Variants in AIG1 observed in about 807,000 individuals in gnomAD.
The protein encoded by AIG1 is androgen-induced gene 1 protein.
AIG1 carries 23 observed loss-of-function variants against 31.4 expected under a neutral mutation model. That is an observed-to-expected ratio of 0.73 (90% CI 0.53 to 1.04). The LOEUF (loss-of-function observed/expected upper bound fraction) is 1.04, where lower values mean the gene tolerates loss of function less well. AIG1 is among the 50% of genes least tolerant of loss of function. The pLI, the probability that AIG1 is intolerant of heterozygous loss-of-function variation, is 0.00. For synonymous variants in AIG1, 100 were observed against 110.5 expected, an observed-to-expected ratio of 0.90 and a Z score of 0.60; for missense variants, 274 against 295.0, an observed-to-expected ratio of 0.93 and a Z score of 0.52.
intron 3 of AIG1, among the ~76,000 whole-genome samples, chr6:143,170,244 A>G (rs912379140): frequency 6.6e-6 from 1 of 151,988 alleles, no homozygotes; most frequent in Non-Finnish European, 1.5e-5. Flanking sequence ...GATACTTTTT[A>G]TTACTTATTC....
intron 3 of AIG1, among the ~76,000 whole-genome samples, chr6:143,183,879 C>T (rs999738844): frequency 6.6e-6 from 1 of 152,236 alleles, no homozygotes; most frequent in Admixed American, 6.5e-5. Flanking sequence ...TCCTTCTTCA[C>T]TGCCACAGAC....
intron 1 of AIG1, among the ~76,000 whole-genome samples, chr6:143,067,729 C>G (rs1422863131): frequency 2.0e-5 from 3 of 152,050 alleles, no homozygotes; most frequent in African/African-American, 7.2e-5. Context: ...CTTAGTTTTG[C>G]CAGTCAAAAC....
At chr6:143,317,164 C>T (rs1349033324) in intron 4 of AIG1, among the ~76,000 whole-genome samples, 3 of 152,008 alleles carry the variant, frequency 2.0e-5, no homozygotes, top group Non-Finnish European at 4.4e-5. Flanking sequence ...TTCTATGAAG[C>T]CAGTATCACC....
At chr6:143,087,723 C>G (rs1778934373) in intron 1 of AIG1, among the ~76,000 whole-genome samples, 2 of 152,288 alleles carry the variant, frequency 1.3e-5, no homozygotes, top group South Asian at 4.1e-4. Context: ...AGGATAAATT[C>G]TTAAAGGCAG....
intron 2 of AIG1, among the ~76,000 whole-genome samples, chr6:143,154,994 T>C (rs1341418605): frequency 6.6e-6 from 1 of 151,256 alleles, no homozygotes; most frequent in Non-Finnish European, 1.5e-5. Context: ...ATTTCAGACA[T>C]ACACCACCAC....
chr6:143,309,648 A>G (rs964028400), intron 4 of AIG1, among the ~76,000 whole-genome samples: 1 of 152,036 alleles, frequency 6.6e-6, no homozygotes, highest in Non-Finnish European at 1.5e-5. Context: ...ATCCAGCTAT[A>G]TCAATAATCA....
At chr6:143,309,341 A>G (rs1398513428) in intron 4 of AIG1, among the ~76,000 whole-genome samples, 1 of 152,144 alleles carries the variant, frequency 6.6e-6, no homozygotes, top group African/African-American at 2.4e-5. Flanking sequence ...CACTAAAAGA[A>G]GAGCATAGAA....
intron 3 of AIG1, among the ~76,000 whole-genome samples, chr6:143,277,273 G>A (rs1238109255): frequency 6.6e-6 from 1 of 152,128 alleles, no homozygotes; most frequent in Non-Finnish European, 1.5e-5. Context: ...TTACAATCTA[G>A]AGTGCACAAT....
Position 143,099,101 on chromosome 6 carries a change from AC to A in AIG1, c.142-37732del, listed in dbSNP as rs1244343157. Among the ~76,000 whole-genome samples, 3 of 152,242 alleles carry A rather than the reference AC, an allele frequency of 2.0e-5. No homozygotes were observed. In the East Asian group the frequency reaches 5.8e-4, roughly 29 times the overall value. ...AGTGAAGAGTTTTTGATTTAAAAAG[AC>A]CATCAGTTTTCACTTACCATTTAGG... is the stretch of plus-strand genomic sequence containing the variant. On this transcript the variant is annotated intron_variant, in intron 1 of 5. Coordinates refer to ENST00000357847, the MANE Select transcript of AIG1 (RefSeq NM_016108.4).
chr6:143,342,808 C>A, downstream of AIG1: 1 of 798,174 alleles, frequency 1.3e-6, no homozygotes, highest in Non-Finnish European at 2.3e-6. Flanking sequence ...ACCTTCTCTG[C>A]AGTGGACAGT....
Position 143,292,987 on chromosome 6 carries a change from G to A in AIG1, c.515+8762G>A, listed in dbSNP as rs150173488. 2.4e-4 allele frequency among the ~76,000 whole-genome samples: 37 copies of A among 152,264 alleles called. No homozygotes were observed. Among genetic ancestry groups the A allele is most frequent in the African/African-American group, 7.5e-4 (31 of 41,548 alleles). ...GTTAGATGCTCCTTGTTTAGTTCCC[G>A]TCTTCCTCGGGTCTTTGAGCAAATT... On this transcript the variant is annotated intron_variant, in intron 4 of 5. Coordinates refer to ENST00000357847, the MANE Select transcript of AIG1 (RefSeq NM_016108.4). The surrounding 1 kb of genome is among the most constrained non-coding windows in gnomAD (Gnocchi z 4.9).
rs780570206 is a variant in AIG1, at chr6:143,333,310, ATGTGGG to A, written c.548_553del (p.Trp183_Val184del). The A allele has an allele frequency of 2.5e-6, 4 of 1,613,184 alleles. No homozygotes were observed. The highest frequency in any genetic ancestry group is 3.4e-6 in the Non-Finnish European group (4 of 1,179,612). On this transcript the variant is annotated inframe_deletion, in exon 5 of 6. Transcript: ENST00000357847. The surrounding 1 kb of genome is among the most constrained non-coding windows in gnomAD (Gnocchi z 4.6). ...GTGCTGGGTGCATCATGTAACTGGC[ATGTGGG>A]TGTACCCTTTCCTGGAACACATTGG...
chr6:143,060,979 C>G lies in AIG1; in HGVS notation c.54C>G (p.Cys18Trp), dbSNP rs1776189342. ...GGATGGCAATCCTGCTGTCTTACTGCTCTATCCTGTGTAACTACAAGGCCA... is the reference window on the plus strand; with the variant it reads ...GGATGGCAATCCTGCTGTCTTACTGGTCTATCCTGTGTAACTACAAGGCCA... ...VLRMAILLSY[C>W]SILCNYKAIE... Residue 18 changes from cysteine (C) to tryptophan (W), a missense_variant, in exon 1 of 6, where the codon TGC becomes TGG. Coordinates refer to ENST00000357847, the MANE Select transcript of AIG1 (RefSeq NM_016108.4). 1.1e-5 allele frequency: 17 copies of G among 1,613,142 alleles called. No homozygotes were observed. The highest frequency in any genetic ancestry group is 1.2e-5 in the Non-Finnish European group (14 of 1,179,838).
chr6:143,099,346 C>T (rs540537658), intron 1 of AIG1: 8 of 152,196 alleles, frequency 5.3e-5, no homozygotes, highest in African/African-American at 1.9e-4. Flanking sequence ...ACTTGCTATG[C>T]TCTGTTCCCT....
chr6:143,225,290 G>T (rs1175850359), intron 3 of AIG1, among the ~76,000 whole-genome samples: 1 of 152,108 alleles, frequency 6.6e-6, no homozygotes, highest in Non-Finnish European at 1.5e-5. Context: ...TTATATTGTA[G>T]TTGATCAGGT....
intron 2 of AIG1, among the ~76,000 whole-genome samples, chr6:143,140,561 C>G (rs1370473364): frequency 1.3e-5 from 2 of 152,158 alleles, no homozygotes; most frequent in Non-Finnish European, 1.5e-5. Flanking sequence ...AATGCAAACT[C>G]TCCCTGGAGC....
In AIG1 at chr6:143,329,758, A is replaced by G. The variant is rs377701332; in HGVS notation, c.516-3524A>G. ...TTTAAATAGTTGAAAAAATCAAAAGATGAATATTTCATGATGTGAAAATTA... is the reference window on the plus strand; with the variant it reads ...TTTAAATAGTTGAAAAAATCAAAAGGTGAATATTTCATGATGTGAAAATTA... On this transcript the variant is annotated intron_variant, in intron 4 of 5. Coordinates refer to ENST00000357847, the MANE Select transcript of AIG1 (RefSeq NM_016108.4). This position sits in a 1 kb window ranked among gnomAD's most constrained non-coding sequence, Gnocchi z 4.9. Among the ~76,000 whole-genome samples the G allele has an allele frequency of 7.9e-5, 12 of 152,232 alleles. No individual in the cohort carries two copies. The highest frequency in any genetic ancestry group is 2.7e-4 in the African/African-American group (11 of 41,456).
upstream of AIG1, chr6:143,060,596 G>T (rs1276048695): frequency 4.5e-6 from 2 of 447,040 alleles, no homozygotes; most frequent in African/African-American, 2.1e-5. Context: ...GATGCCTAGG[G>T]GGCGCCTCCT....
intron 3 of AIG1, among the ~76,000 whole-genome samples, chr6:143,171,265 C>T (rs1427823967): frequency 6.6e-6 from 1 of 150,648 alleles, no homozygotes; most frequent in Non-Finnish European, 1.5e-5. Flanking sequence ...AGCTTAGCTC[C>T]CACTCATGAT....
Sources: allele counts gnomAD v4.1 joint callset (sites outside exome capture counted in the v4.1 genomes callset), GRCh38; gene constraint gnomAD v4.1.1; non-coding constraint Gnocchi (gnomAD v3.1); transcripts MANE v1.5; gene names NCBI Gene and HGNC (gene_info 2026-07-23, HGNC 2026-07-21).